Variants in HINT3 observed in about 807,000 individuals in gnomAD.
The protein encoded by HINT3 is adenosine 5'-monophosphoramidase HINT3.
HINT3 carries 16 observed loss-of-function variants against 19.1 expected under a neutral mutation model. That is an observed-to-expected ratio of 0.84 (90% CI 0.57 to 1.27). The LOEUF (loss-of-function observed/expected upper bound fraction) is 1.27. HINT3 is among the 50% of genes most tolerant of loss of function. HINT3 has a pLI of 0.00. For synonymous variants in HINT3, 75 were observed against 84.8 expected, an observed-to-expected ratio of 0.88 and a Z score of 0.63; for missense variants, 197 against 225.8, an observed-to-expected ratio of 0.87 and a Z score of 0.82.
At chr6:125,964,744 ACACAC>A (rs1788992859) in intron 1 of HINT3, among the ~76,000 whole-genome samples, 2 of 14,562 alleles carry the variant, frequency 1.4e-4, no homozygotes, top group African/African-American at 7.6e-4. Context: ...TTATACACAC[ACACAC>A]ACACACACAC....
At chr6:125,960,085 A>G (rs1249228281) in intron 1 of HINT3, among the ~76,000 whole-genome samples, 1 of 152,226 alleles carries the variant, frequency 6.6e-6, no homozygotes, top group East Asian at 1.9e-4. Context: ...AAGGAGAAGG[A>G]GCAATTATAT....
chr6:125,977,695 A>G lies in HINT3; in HGVS notation c.*19A>G. ...AACATGAAAATGTCAAGAGTGGAAG[A>G]TTTTTCTAATCTTGGTTCAGCATGA... On this transcript the variant is annotated 3_prime_UTR_variant, in exon 5 of 5. Transcript: ENST00000229633. 6.8e-7 allele frequency: 1 copy of G among 1,466,272 alleles called. No individual in the cohort carries two copies. Among genetic ancestry groups the G allele is most frequent in the Non-Finnish European group, 9.3e-7 (1 of 1,080,510 alleles). The allele number at this position is 1,466,272 out of a possible 1,614,324, so 90.8% of individuals were successfully genotyped here.
At chr6:125,972,369 T>G (rs531411056) in intron 3 of HINT3, 41 bp downstream of exon 3, 1 of 1,220,240 alleles carries the variant, frequency 8.2e-7, no homozygotes, top group Non-Finnish European at 1.1e-6. Context: ...TATACATTAT[T>G]GACGTTTTTC....
At chr6:125,957,979 G>A (rs1788865009) in intron 1 of HINT3, among the ~76,000 whole-genome samples, 1 of 152,180 alleles carries the variant, frequency 6.6e-6, no homozygotes, top group Non-Finnish European at 1.5e-5. Context: ...GACAGTCTGT[G>A]TCCCGATTTT....
Position 125,977,727 on chromosome 6 carries a change from AT to A in HINT3, c.*54del. ...TAATCTTGGTTCAGCATGAAGTGGTATTTAGGTCCCTTTTAAGTCTAATTGC... is the reference window on the plus strand; with the variant it reads ...TAATCTTGGTTCAGCATGAAGTGGTATTAGGTCCCTTTTAAGTCTAATTGC... On this transcript the variant is annotated 3_prime_UTR_variant, in exon 5 of 5. Coordinates refer to ENST00000229633, the MANE Select transcript of HINT3 (RefSeq NM_138571.5). 9.0e-7 allele frequency: 1 copy of A among 1,114,116 alleles called. No individual in the cohort carries two copies. Among genetic ancestry groups the A allele is most frequent in the Non-Finnish European group, 1.3e-6 (1 of 779,370 alleles). The allele number at this position is 1,114,116 out of a possible 1,614,324, so 69.0% of individuals were successfully genotyped here. A position where few individuals can be genotyped will look rare whatever the true frequency, so the allele number is the denominator to read the frequency against.
chr6:125,960,310 C>T (rs779728347), intron 1 of HINT3, among the ~76,000 whole-genome samples: 1 of 152,160 alleles, frequency 6.6e-6, no homozygotes, highest in Admixed American at 6.5e-5. Flanking sequence ...GTTGTATTGA[C>T]CCAGGGTTGG....
At chr6:125,960,672 A>AGGGGGGGGG (rs1395716444) in intron 1 of HINT3, among the ~76,000 whole-genome samples, 2 of 83,436 alleles carry the variant, frequency 2.4e-5, no homozygotes, top group African/African-American at 3.2e-5. Flanking sequence ...GGGGAAAAAA[A>AGGGGGGGGG]AAGAAGTTAG....
At chr6:125,968,663 T>G in intron 2 of HINT3, among the ~76,000 whole-genome samples, 2 of 152,238 alleles carry the variant, frequency 1.3e-5, no homozygotes, top group East Asian at 3.8e-4. Flanking sequence ...CTCTTCTGCC[T>G]TACCAGCATC....
intron 3 of HINT3, among the ~76,000 whole-genome samples, chr6:125,973,978 C>T (rs1344963945): frequency 1.3e-5 from 2 of 152,204 alleles, no homozygotes; most frequent in Non-Finnish European, 2.9e-5. Context: ...AAAACCTAGT[C>T]TCCTCTTCTA....
rs1158685677 is a variant in HINT3, at chr6:125,979,242, A to G, written c.*1566A>G. Reference sequence around the variant, plus strand: ...GAAGGTGGAGAAAGGATGTGGAAGTAGGGGTTATGGGCTCTCAAAAGTAGA... The same window carrying G: ...GAAGGTGGAGAAAGGATGTGGAAGTGGGGGTTATGGGCTCTCAAAAGTAGA... On this transcript the variant is annotated 3_prime_UTR_variant, in exon 5 of 5. Transcript: ENST00000229633. 4 of 152,210 alleles carry G rather than the reference A, an allele frequency of 2.6e-5. No individual in the cohort carries two copies. Among genetic ancestry groups the G allele is most frequent in the Admixed American group, 2.6e-4 (4 of 15,284 alleles). 9.4% of individuals were successfully genotyped at this position (152,210 alleles called of 1,614,324 possible). A position where few individuals can be genotyped will look rare whatever the true frequency, so the allele number is the denominator to read the frequency against.
chr6:125,976,464 G>A (rs1194946255), intron 4 of HINT3, among the ~76,000 whole-genome samples: 1 of 147,776 alleles, frequency 6.8e-6, no homozygotes, highest in Non-Finnish European at 1.5e-5. Flanking sequence ...ATGTGTGTGT[G>A]TATGTATTTG....
chr6:125,968,441 C>T (rs893618335), intron 2 of HINT3, among the ~76,000 whole-genome samples: 7 of 152,140 alleles, frequency 4.6e-5, no homozygotes, highest in Non-Finnish European at 7.3e-5. Context: ...GATTCCATGC[C>T]TTTGCTGTTG....
intron 2 of HINT3, among the ~76,000 whole-genome samples, chr6:125,970,258 G>A (rs1789080002): frequency 6.6e-6 from 1 of 152,080 alleles, no homozygotes; most frequent in African/African-American, 2.4e-5. Flanking sequence ...GAACATATAT[G>A]ATTTATAACT....
At position 125,974,960 on chromosome 6, in the gene HINT3, A is replaced by G. The variant is rs1789160670; in HGVS notation, c.503A>G (p.Tyr168Cys). 1.2e-6 allele frequency: 2 copies of G among 1,613,786 alleles called. No individual in the cohort carries two copies. Among genetic ancestry groups the G allele is most frequent in the Non-Finnish European group, 1.7e-6 (2 of 1,179,790 alleles). Residue 168 changes from tyrosine (Y) to cysteine (C), a missense_variant, in exon 4 of 5, where the codon TAT becomes TGT. Tyr to Cys is a radical substitution (Grantham distance 194). Coordinates refer to ENST00000229633, the MANE Select transcript of HINT3 (RefSeq NM_138571.5). ...AAGTTGGTTTATAGAGTCAATTCCTATTGGTTTATCACAGTGAGTATTCTT... is the reference window on the plus strand; with the variant it reads ...AAGTTGGTTTATAGAGTCAATTCCTGTTGGTTTATCACAGTGAGTATTCTT... ...LSKLVYRVNS[Y>C]WFITADHLIE... is the part of the protein sequence containing the mutation.
At chr6:125,972,111 T>C (rs910062177) in intron 2 of HINT3, 148 bp from the exon 3 acceptor site, 20 of 560,392 alleles carry the variant, frequency 3.6e-5, no homozygotes, top group African/African-American at 3.4e-4. Context: ...CCTCCCAAAG[T>C]GTTGGGATTA....
intron 4 of HINT3, among the ~76,000 whole-genome samples, chr6:125,975,916 C>T (rs927749290): frequency 2.6e-5 from 4 of 152,180 alleles, no homozygotes; most frequent in African/African-American, 9.6e-5. Context: ...TCTGCTTTTC[C>T]AAAGCAAAAG....
At chr6:125,964,348 G>A (rs1365665530) in intron 1 of HINT3, among the ~76,000 whole-genome samples, 3 of 152,036 alleles carry the variant, frequency 2.0e-5, no homozygotes, top group African/African-American at 7.2e-5. Flanking sequence ...GTAAAGCAAG[G>A]TACATTTGGA....
Position 125,977,638 on chromosome 6 carries a change from T to C in HINT3, c.517-6T>C. The C allele has an allele frequency of 1.4e-6, 2 of 1,445,554 alleles. No individual in the cohort carries two copies. Among genetic ancestry groups the C allele is most frequent in the Non-Finnish European group, 1.9e-6 (2 of 1,055,354 alleles). 89.5% of individuals were successfully genotyped at this position (1,445,554 alleles called of 1,614,324 possible). A position where few individuals can be genotyped will look rare whatever the true frequency, so the allele number is the denominator to read the frequency against. Reference sequence around the variant, plus strand: ...TAGAATTAAAAAGTATGTTTTTTAATTACAGGCTGATCACTTGATTGAAAA... The same window carrying C: ...TAGAATTAAAAAGTATGTTTTTTAACTACAGGCTGATCACTTGATTGAAAA... On this transcript the variant is annotated splice_region_variant and splice_polypyrimidine_tract_variant and intron_variant, in intron 4 of 4. Coordinates refer to ENST00000229633, the MANE Select transcript of HINT3 (RefSeq NM_138571.5).
At chr6:125,966,192 A>G (rs1350964982) in intron 1 of HINT3, among the ~76,000 whole-genome samples, 1 of 152,014 alleles carries the variant, frequency 6.6e-6, no homozygotes, top group African/African-American at 2.4e-5. Flanking sequence ...TCGAAATTCA[A>G]ATGTTAATAG....
Sources: allele counts gnomAD v4.1 joint callset (sites outside exome capture counted in the v4.1 genomes callset), GRCh38; gene constraint gnomAD v4.1.1; transcripts MANE v1.5; gene names NCBI Gene and HGNC (gene_info 2026-07-23, HGNC 2026-07-21).